GLE1: variants seen among roughly 807,000 people sequenced by gnomAD.
GLE1 encodes mRNA export factor GLE1.
Under a neutral mutation model 97.3 loss-of-function variants are expected in GLE1, and 78 were observed. That is an observed-to-expected ratio of 0.80 (90% CI 0.67 to 0.97). GLE1 has a LOEUF of 0.97. GLE1 is among the 50% of genes least tolerant of loss of function. GLE1 has a pLI of 0.00. For synonymous variants in GLE1, 302 were observed against 313.4 expected, an observed-to-expected ratio of 0.96 and a Z score of 0.39; for missense variants, 753 against 857.5, an observed-to-expected ratio of 0.88 and a Z score of 1.52.
chr9:128,510,995 ATC>A (rs1432766704), intron 2 of GLE1, among the ~76,000 whole-genome samples: 1 of 150,610 alleles, frequency 6.6e-6, no homozygotes, highest in East Asian at 2.0e-4. Flanking sequence ...ATCACTTGAG[ATC>A]AGTAGTTCGA....
chr9:128,540,181 G>A (rs987239219), intron 14 of GLE1, 94 bp from the exon 15 acceptor site: 9 of 862,130 alleles, frequency 1.0e-5, no homozygotes, highest in East Asian at 4.9e-5. Context: ...GCACCACCGC[G>A]CTGCACTCCA....
rs570054981 is a variant in GLE1, at chr9:128,541,921, G to T, written c.*751G>T. The T allele has an allele frequency of 9.2e-5, 14 of 152,276 alleles. No homozygotes were observed. The highest frequency in any genetic ancestry group is 3.1e-4 in the African/African-American group (13 of 41,548). The allele number at this position is 152,276 out of a possible 1,614,324, so 9.4% of individuals were successfully genotyped here. On this transcript the variant is annotated 3_prime_UTR_variant, in exon 16 of 16. Coordinates refer to ENST00000309971, the MANE Select transcript of GLE1 (RefSeq NM_001003722.2). ...TTTGTTTCTTTTCTGTTTGAATTAA[G>T]ATGGGCTAAGATGGGGCTTGCAACA... is the stretch of plus-strand genomic sequence containing the variant.
At chr9:128,537,277 A>G (rs1847739962) in intron 12 of GLE1, among the ~76,000 whole-genome samples, 1 of 151,716 alleles carries the variant, frequency 6.6e-6, no homozygotes, top group Non-Finnish European at 1.5e-5. Context: ...ACATGGTGAA[A>G]CCCCGTCTCT....
At chr9:128,514,967 C>G (rs1448598470) in intron 2 of GLE1, among the ~76,000 whole-genome samples, 1 of 151,494 alleles carries the variant, frequency 6.6e-6, no homozygotes, top group African/African-American at 2.4e-5. Flanking sequence ...ATTATAGGTG[C>G]GTGCCACCAC....
Position 128,536,393 on chromosome 9 carries a change from A to G in GLE1, c.1685A>G (p.Gln562Arg). ...GYQVKDSKVE[Q>R]QDNFLKRMSG... ...CAAGTAAAGGATTCCAAAGTGGAGC[A>G]GCAAGACAACTTTCTAAAACGCATG... Residue 562 changes from glutamine to arginine, a missense_variant, in exon 12 of 16, where the codon CAG (glutamine) becomes CGG (arginine). Gln to Arg is a conservative substitution (Grantham distance 43). Transcript: ENST00000309971. 1 of 1,614,070 alleles carries G rather than the reference A, an allele frequency of 6.2e-7. No individual in the cohort carries two copies. Among genetic ancestry groups the G allele is most frequent in the South Asian group, 1.1e-5 (1 of 91,078 alleles).
chr9:128,525,294 G>C lies in GLE1; in HGVS notation c.1000G>C (p.Glu334Gln). ...NLGQEITRACEDKRRQDEEEA... is the reference protein window; with the variant it reads ...NLGQEITRACQDKRRQDEEEA... The stretch of plus-strand genomic sequence containing the variant: ...GGGGCAGGAGATCACCAGAGCCTGC[G>C]AAGACAAGAGGAGGCAGGATGAAGA... The change falls in exon 7 of 16, where the codon GAA (glutamate) becomes CAA (glutamine). Residue 334 changes from glutamate (E) to glutamine (Q), a missense_variant. By Grantham distance (29) the Glu-to-Gln change is conservative (BLOSUM62 2). Coordinates refer to ENST00000309971, the MANE Select transcript of GLE1 (RefSeq NM_001003722.2). The C allele has an allele frequency of 6.2e-7, 1 of 1,613,968 alleles. No individual in the cohort carries two copies. The highest frequency in any genetic ancestry group is 1.1e-5 in the South Asian group (1 of 91,076).
chr9:128,530,854 C>T (rs1310776406), intron 9 of GLE1, among the ~76,000 whole-genome samples: 2 of 143,454 alleles, frequency 1.4e-5, no homozygotes, highest in Non-Finnish European at 3.0e-5. Context: ...GCTTGCAGTG[C>T]GCCGAGATAG....
intron 2 of GLE1, among the ~76,000 whole-genome samples, chr9:128,512,104 CCGGCCTGGG>C (rs1846842875): frequency 6.6e-6 from 1 of 151,986 alleles, no homozygotes; most frequent in Non-Finnish European, 1.5e-5. Flanking sequence ...GCCACCAGGC[CCGGCCTGGG>C]TGAAGATTTA....
chr9:128,536,195 A>G (rs1056161942), intron 11 of GLE1, among the ~76,000 whole-genome samples, 160 bp from the exon 12 acceptor site: 6 of 151,962 alleles, frequency 3.9e-5, no homozygotes, highest in Non-Finnish European at 8.8e-5. Context: ...CACCATACCC[A>G]GTTAATTTTT....
intron 2 of GLE1, among the ~76,000 whole-genome samples, chr9:128,510,063 C>T (rs1472557798): frequency 6.6e-6 from 1 of 151,952 alleles, no homozygotes; most frequent in Non-Finnish European, 1.5e-5. Flanking sequence ...CTTCTTCACC[C>T]TCCCTTTTTT....
Position 128,541,207 on chromosome 9 carries a change from G to A in GLE1, c.*37G>A, listed in dbSNP as rs1318297166. On this transcript the variant is annotated 3_prime_UTR_variant, in exon 16 of 16. Coordinates refer to ENST00000309971, the MANE Select transcript of GLE1 (RefSeq NM_001003722.2). The stretch of plus-strand genomic sequence containing the variant: ...CACCCACCATCACCGCTGCTGCAAA[G>A]AGGCAATAATAAAGGAACTGAAGAC... 1 of 1,156,582 alleles carries A rather than the reference G, an allele frequency of 8.6e-7. No individual in the cohort carries two copies. The highest frequency in any genetic ancestry group is 1.7e-5 in the Admixed American group (1 of 59,516). 71.6% of individuals were successfully genotyped at this position (1,156,582 alleles called of 1,614,324 possible).
chr9:128,513,213 A>T (rs1589045505), intron 2 of GLE1, among the ~76,000 whole-genome samples: 1 of 151,558 alleles, frequency 6.6e-6, no homozygotes, highest in Admixed American at 6.6e-5. Flanking sequence ...ATTTATTATT[A>T]TTTTTCAAAC....
chr9:128,540,265 CT>C lies in GLE1; in HGVS notation c.1965-9del. On this transcript the variant is annotated splice_polypyrimidine_tract_variant and intron_variant, in intron 14 of 15. Transcript: ENST00000309971. ...ATAGGTGTGATTCATGTGTCTTTCT[CT>C]CCCTGTAGAATTGAAGCTATCACAA... 6.3e-7 allele frequency: 1 copy of C among 1,577,886 alleles called. No individual in the cohort carries two copies. The highest frequency in any genetic ancestry group is 8.7e-7 in the Non-Finnish European group (1 of 1,147,112).
chr9:128,529,657 G>A (rs1419667763), intron 9 of GLE1, among the ~76,000 whole-genome samples: 1 of 150,950 alleles, frequency 6.6e-6, no homozygotes, highest in Non-Finnish European at 1.5e-5. Flanking sequence ...TACTTTCCAG[G>A]TTCTTCTCCT....
chr9:128,522,927 A>G (rs375582290), intron 4 of GLE1, 111 bp downstream of exon 4: 19 of 1,245,106 alleles, frequency 1.5e-5, no homozygotes, highest in East Asian at 7.2e-5. Flanking sequence ...CTTAAATATC[A>G]AGGTAAAATA....
chr9:128,533,485 T>C, intron 9 of GLE1, 28 bp from the exon 10 acceptor site: 10 of 1,468,996 alleles, frequency 6.8e-6, no homozygotes, highest in Non-Finnish European at 8.6e-6. Context: ...TGTGGTTATA[T>C]CTTTTAATTT....
At chr9:128,534,043 T>C (rs1847615162) in intron 11 of GLE1, 92 bp downstream of exon 11, 3 of 849,548 alleles carry the variant, frequency 3.5e-6, no homozygotes, top group Non-Finnish European at 4.1e-6. Flanking sequence ...TCACAGCTCC[T>C]ATTACGTACC....
intron 2 of GLE1, among the ~76,000 whole-genome samples, chr9:128,512,937 C>T (rs1011003532): frequency 6.6e-6 from 1 of 152,218 alleles, no homozygotes; most frequent in African/African-American, 2.4e-5. Flanking sequence ...GCATGAGCCA[C>T]CGTGCCCAGC....
At chr9:128,536,595 T>C (rs748902875) in intron 12 of GLE1, 111 bp downstream of exon 12, 7 of 957,340 alleles carry the variant, frequency 7.3e-6, no homozygotes, top group Non-Finnish European at 1.2e-5. Context: ...AGTTAAAGGA[T>C]AAACTATATG....
Sources: allele counts gnomAD v4.1 joint callset (sites outside exome capture counted in the v4.1 genomes callset), GRCh38; gene constraint gnomAD v4.1.1; transcripts MANE v1.5; gene names NCBI Gene and HGNC (gene_info 2026-07-23, HGNC 2026-07-21).